Variants in VCL observed in about 807,000 individuals in gnomAD.
VCL encodes epididymis luminal protein 114.
VCL carries 47 observed loss-of-function variants against 125.7 expected under a neutral mutation model. The observed-to-expected ratio is 0.37, with a 90% CI of 0.30 to 0.48. VCL has a LOEUF of 0.48. Among genes scored for constraint, VCL ranks in the 20% least tolerant of loss-of-function variants. The pLI is 0.99. For missense variants in VCL, 1,069 were observed against 1,455.5 expected (o/e 0.73, Z 4.32); for synonymous variants, 458 against 514.6 (o/e 0.89, Z 1.49).
At chr10:74,017,955 C>G (rs1840582618) in intron 1 of VCL, among the ~76,000 whole-genome samples, 1 of 150,614 alleles carries the variant, frequency 6.6e-6, no homozygotes, top group Non-Finnish European at 1.5e-5. Flanking sequence ...GCGTAGAAGT[C>G]CGAGACCAGC....
At chr10:74,089,920 C>T in intron 9 of VCL, 103 bp from the exon 10 acceptor site, 3 of 1,229,928 alleles carry the variant, frequency 2.4e-6, no homozygotes, top group Non-Finnish European at 3.5e-6. Flanking sequence ...AAAATGATTA[C>T]TGGTATATTA....
intron 1 of VCL, among the ~76,000 whole-genome samples, chr10:74,040,096 T>G (rs540221961): frequency 3.3e-4 from 50 of 152,342 alleles, no homozygotes; most frequent in African/African-American, 1.1e-3. Context: ...AAGTCTCAGC[T>G]CCAATTTTGC....
At chr10:74,014,240 TC>T (rs1228714786) in intron 1 of VCL, among the ~76,000 whole-genome samples, 1 of 152,144 alleles carries the variant, frequency 6.6e-6, no homozygotes, top group African/African-American at 2.4e-5. Context: ...TCTTTTCTGT[TC>T]TTTTTTTGGA....
At chr10:74,090,326 T>C in intron 10 of VCL, 128 bp downstream of exon 10, 1 of 997,642 alleles carries the variant, frequency 1.0e-6, no homozygotes, top group Non-Finnish European at 1.5e-6. Context: ...TAAATGCACT[T>C]ATGATGCTCT....
rs777406424 is a variant in VCL at position 74,019,620 on chromosome 10, GAC to G, written c.168+21249_168+21250del. Among the ~76,000 whole-genome samples the G allele has an allele frequency of 3.9e-4, 59 of 152,252 alleles. No individual in the cohort carries two copies. The Middle Eastern group carries it at 0.014, about 35-fold the overall frequency. Reference sequence around the variant, plus strand: ...GTGGTAGGAGTGCAGATAGAGAAAAGACACATCTGCAGCATGTGTAGAGTACA... The same window carrying G: ...GTGGTAGGAGTGCAGATAGAGAAAAGACATCTGCAGCATGTGTAGAGTACA... On this transcript the variant is annotated intron_variant, in intron 1 of 21. Coordinates refer to ENST00000211998, the MANE Select transcript of VCL (RefSeq NM_014000.3).
intron 1 of VCL, among the ~76,000 whole-genome samples, chr10:74,038,573 T>C (rs1471636920): frequency 6.6e-6 from 1 of 152,254 alleles, no homozygotes; most frequent in Non-Finnish European, 1.5e-5. Context: ...GAATGCAGCT[T>C]AGAATAACAA....
At position 74,103,992 on chromosome 10, in the gene VCL, C is replaced by T. The variant is rs2270552; in HGVS notation, c.2131+64C>T. 1,005,626 of 1,500,636 alleles carry T rather than the reference C, an allele frequency of 0.67. 344,247 individuals carry two copies. Among genetic ancestry groups the T allele is most frequent in the Middle Eastern group, 0.8 (4,608 of 5,738 alleles). 93.0% of individuals were successfully genotyped at this position (1,500,636 alleles called of 1,614,324 possible). ...AAGAATGAGTTCTGAGAAATTGGAGCGGGACTGGTTCTGTTACTCAGCTGT... is the reference window on the plus strand; with the variant it reads ...AAGAATGAGTTCTGAGAAATTGGAGTGGGACTGGTTCTGTTACTCAGCTGT... On this transcript the variant is annotated intron_variant, in intron 15 of 21. Coordinates refer to ENST00000211998, the MANE Select transcript of VCL (RefSeq NM_014000.3).
At chr10:74,117,735 G>T (rs759850366) in intron 21 of VCL, among the ~76,000 whole-genome samples, 17 of 152,212 alleles carry the variant, frequency 1.1e-4, no homozygotes, top group Admixed American at 6.5e-4. Context: ...GGATCCCTGG[G>T]GAAAGAGCAG....
intron 13 of VCL, 107 bp from the exon 14 acceptor site, chr10:74,100,841 A>G (rs1000140728): frequency 1.4e-4 from 185 of 1,346,942 alleles, no homozygotes; most frequent in Non-Finnish European, 1.9e-4. Context: ...TGTCATCTCT[A>G]AAGTCTTTGA....
At chr10:74,107,413 G>C in intron 17 of VCL, 59 bp downstream of exon 17, 2 of 1,613,440 alleles carry the variant, frequency 1.2e-6, no homozygotes, top group Non-Finnish European at 1.7e-6. Flanking sequence ...TTCAGCAAGA[G>C]AGAGGTAGAT....
chr10:74,114,449 G>A, intron 20 of VCL, 62 bp downstream of exon 20: 3 of 1,560,588 alleles, frequency 1.9e-6, no homozygotes. Flanking sequence ...GTGTGTGTGT[G>A]TGTTGGAGGG....
At chr10:74,024,052 A>G (rs1840724453) in intron 1 of VCL, among the ~76,000 whole-genome samples, 1 of 152,074 alleles carries the variant, frequency 6.6e-6, no homozygotes, top group African/African-American at 2.4e-5. Context: ...CATAAAGGTT[A>G]CTCTTTTCTA....
At position 74,083,362 on chromosome 10, in the gene VCL, T is replaced by G; in HGVS notation, c.875-4T>G. On this transcript the variant is annotated splice_region_variant and splice_polypyrimidine_tract_variant and intron_variant, in intron 7 of 21. Coordinates refer to ENST00000211998, the MANE Select transcript of VCL (RefSeq NM_014000.3). Reference sequence around the variant, plus strand: ...TGTAGTTATTGAATATCTCTTTATTTTAGGGGATGCTGGTGAGCAGGCCAT... The same window carrying G: ...TGTAGTTATTGAATATCTCTTTATTGTAGGGGATGCTGGTGAGCAGGCCAT... 24 of 1,613,988 alleles carry G rather than the reference T, an allele frequency of 1.5e-5. No homozygotes were observed. The highest frequency in any genetic ancestry group is 1.9e-5 in the Non-Finnish European group (23 of 1,179,908).
intron 1 of VCL, among the ~76,000 whole-genome samples, chr10:74,007,061 G>C (rs578148770): frequency 2.0e-5 from 3 of 152,072 alleles, no homozygotes; most frequent in Non-Finnish European, 4.4e-5. Flanking sequence ...GACCTACTGG[G>C]CATTGATCCT....
At chr10:74,074,612 GTGTT>G in intron 5 of VCL, 127 bp from the exon 6 acceptor site, 1 of 986,260 alleles carries the variant, frequency 1.0e-6, no homozygotes, top group South Asian at 1.6e-5. Flanking sequence ...CAAACTTGTA[GTGTT>G]TGTTTTGTAT....
chr10:74,014,363 C>T (rs1222198657), intron 1 of VCL, among the ~76,000 whole-genome samples: 1 of 151,976 alleles, frequency 6.6e-6, no homozygotes, highest in Non-Finnish European at 1.5e-5. Context: ...TCCCCAGTAG[C>T]TAGGACTACA....
At chr10:74,005,511 C>T (rs996941681) in intron 1 of VCL, among the ~76,000 whole-genome samples, 1 of 152,186 alleles carries the variant, frequency 6.6e-6, no homozygotes, top group African/African-American at 2.4e-5. Context: ...CCGCCTTGGC[C>T]TCCCAAAGTG....
Position 74,118,223 on chromosome 10 carries a change from G to T in VCL, c.*54G>T, listed in dbSNP as rs751639273. The T allele has an allele frequency of 1.2e-5, 20 of 1,610,946 alleles. No individual in the cohort carries two copies. The highest frequency in any genetic ancestry group is 1.7e-5 in the Non-Finnish European group (20 of 1,178,714). On this transcript the variant is annotated 3_prime_UTR_variant, in exon 22 of 22. Coordinates refer to ENST00000211998, the MANE Select transcript of VCL (RefSeq NM_014000.3). ...AACCTCTACTAAAAAGAAGGAAAAT[G>T]ATCTGAGTCCCAGGAGCTGCCCAGA...
chr10:74,099,608 C>T (rs1194849086), intron 13 of VCL, among the ~76,000 whole-genome samples: 1 of 152,108 alleles, frequency 6.6e-6, no homozygotes, highest in Non-Finnish European at 1.5e-5. Flanking sequence ...GGGTCTGGCA[C>T]ATAGTAGGTG....
Sources: gnomAD v4.1 joint callset for allele counts (sites outside exome capture counted in the v4.1 genomes callset) on GRCh38, gnomAD v4.1.1 for gene constraint, MANE v1.5 for transcripts, NCBI Gene and HGNC (gene_info 2026-07-23, HGNC 2026-07-21) for gene names.